CYP7A1: variants seen among roughly 807,000 people sequenced by gnomAD.
CYP7A1 encodes the protein cytochrome P450 family 7 subfamily A member 1, also known as cytochrome P450 7A1.
Under a neutral mutation model 43.8 loss-of-function variants are expected in CYP7A1, and 28 were observed. The ratio of observed to expected loss-of-function variants is 0.64; its 90% confidence interval spans 0.47 to 0.88. The LOEUF is 0.88. Ranked by LOEUF, CYP7A1 falls within the 40% of genes least tolerant of loss-of-function variation. The probability of loss-of-function intolerance (pLI) is 0.00; values close to 1 mark genes in which losing one functional copy is unlikely to be tolerated. For synonymous variants in CYP7A1, 227 were observed against 222.5 expected (o/e 1.02, Z -0.18); for missense variants, 637 against 611.9 (o/e 1.04, Z -0.43).
chr8:58,496,815 T>G lies in CYP7A1; in HGVS notation c.697A>C (p.Asn233His). 6.2e-7 allele frequency: 1 copy of G among 1,614,216 alleles called. No homozygotes were observed. Among genetic ancestry groups the G allele is most frequent in the South Asian group, 1.1e-5 (1 of 91,090 alleles). The change falls in exon 3 of 6, where the codon AAT becomes CAT. Residue 233 changes from asparagine (N) to histidine (H), a missense_variant. Coordinates refer to ENST00000301645, the MANE Select transcript of CYP7A1 (RefSeq NM_000780.4). ...CTCTCTGCCAGTTTCTCCCGGGCATTGTGCGCAGTCCTGAACATGTGAATG... is the reference window on the plus strand; with the variant it reads ...CTCTCTGCCAGTTTCTCCCGGGCATGGTGCGCAGTCCTGAACATGTGAATG... ...LPIHMFRTAH[N>H]AREKLAESLR...
intron 2 of CYP7A1, among the ~76,000 whole-genome samples, chr8:58,497,966 C>T (rs1427614126): frequency 6.6e-6 from 1 of 152,184 alleles, no homozygotes; most frequent in African/African-American, 2.4e-5. Flanking sequence ...TACAGTGCCA[C>T]CTGTCTCAGT....
At chr8:58,498,953 G>C (rs1469207941) in intron 1 of CYP7A1, among the ~76,000 whole-genome samples, 3 of 152,130 alleles carry the variant, frequency 2.0e-5, no homozygotes, top group Non-Finnish European at 4.4e-5. Flanking sequence ...AATATTCCTA[G>C]TTTAAAGATA....
Position 58,491,324 on chromosome 8 carries a change from T to C in CYP7A1, c.*151A>G, listed in dbSNP as rs561468580. The C allele has an allele frequency of 1.4e-6, 1 of 738,806 alleles. No individual in the cohort carries two copies. The highest frequency in any genetic ancestry group is 2.4e-5 in the Admixed American group (1 of 41,320). The allele number at this position is 738,806 out of a possible 1,614,324, so 45.8% of individuals were successfully genotyped here. ...GCATCTGGAAACTGTCACCAAAATG[T>C]TAAGATTCACAAGCAAGCACTGGTG... On this transcript the variant is annotated 3_prime_UTR_variant, in exon 6 of 6. Coordinates refer to ENST00000301645, the MANE Select transcript of CYP7A1 (RefSeq NM_000780.4).
intron 4 of CYP7A1, among the ~76,000 whole-genome samples, chr8:58,493,468 G>A (rs1220573059): frequency 6.6e-6 from 1 of 152,206 alleles, no homozygotes; most frequent in Non-Finnish European, 1.5e-5. Flanking sequence ...GAGCTCGCGA[G>A]AGGTCCAGCC....
rs773258821 is a variant in CYP7A1, at chr8:58,491,725, G to A, written c.1265C>T (p.Thr422Ile). The A allele has an allele frequency of 1.9e-6, 3 of 1,613,360 alleles. No homozygotes were observed. The highest frequency in any genetic ancestry group is 1.7e-6 in the Non-Finnish European group (2 of 1,179,346). Residue 422 changes from threonine to isoleucine, a missense_variant, in exon 6 of 6, where the codon ACC becomes ATC. Coordinates refer to ENST00000301645, the MANE Select transcript of CYP7A1 (RefSeq NM_000780.4). ...YLDENGKTKT[T>I]FYCNGLKLKY... Reference sequence around the variant, plus strand: ...TAACTTGAGTCCATTACAATAGAAGGTAGTCTTTGTCTTCCCGTTTTCATC... The same window carrying A: ...TAACTTGAGTCCATTACAATAGAAGATAGTCTTTGTCTTCCCGTTTTCATC...
At position 58,491,428 on chromosome 8, in the gene CYP7A1, T is replaced by C; in HGVS notation, c.*47A>G. ...AAGGGACTGTGTGGTGAGGGTGTTC[T>C]GCAGTCCTGTAATATCATCTAGTGT... On this transcript the variant is annotated 3_prime_UTR_variant, in exon 6 of 6. Coordinates refer to ENST00000301645, the MANE Select transcript of CYP7A1 (RefSeq NM_000780.4). 1 of 1,542,278 alleles carries C rather than the reference T, an allele frequency of 6.5e-7. No homozygotes were observed. The highest frequency in any genetic ancestry group is 1.4e-5 in the African/African-American group (1 of 73,660).
At chr8:58,493,063 G>A (rs1228432123) in intron 4 of CYP7A1, among the ~76,000 whole-genome samples, 1 of 152,134 alleles carries the variant, frequency 6.6e-6, no homozygotes, top group Non-Finnish European at 1.5e-5. Context: ...GAGTCACCGT[G>A]CCTGGCCTGA....
intron 1 of CYP7A1, among the ~76,000 whole-genome samples, chr8:58,498,953 G>A (rs1469207941): frequency 6.6e-6 from 1 of 152,130 alleles, no homozygotes; most frequent in Non-Finnish European, 1.5e-5. Context: ...AATATTCCTA[G>A]TTTAAAGATA....
chr8:58,491,432 G>A lies in CYP7A1; in HGVS notation c.*43C>T. The A allele has an allele frequency of 6.4e-7, 1 of 1,568,428 alleles. No individual in the cohort carries two copies. The highest frequency in any genetic ancestry group is 1.3e-5 in the African/African-American group (1 of 74,090). On this transcript the variant is annotated 3_prime_UTR_variant, in exon 6 of 6. Coordinates refer to ENST00000301645, the MANE Select transcript of CYP7A1 (RefSeq NM_000780.4). The stretch of plus-strand genomic sequence containing the variant: ...GACTGTGTGGTGAGGGTGTTCTGCA[G>A]TCCTGTAATATCATCTAGTGTCCTC...
At chr8:58,499,507 T>G (rs8192870) in intron 1 of CYP7A1, among the ~76,000 whole-genome samples, 109,514 of 152,172 alleles carry the variant, frequency 0.72, 39,987 homozygotes, top group African/African-American at 0.85. Flanking sequence ...GATTAACATT[T>G]ATTTAAAAAC....
intron 3 of CYP7A1, 138 bp from the exon 4 acceptor site, chr8:58,494,774 C>A (rs1293582177): frequency 2.5e-6 from 2 of 785,196 alleles, no homozygotes; most frequent in Non-Finnish European, 2.1e-6. Context: ...AAGGGATATT[C>A]CTGTTTGCAT....
intron 3 of CYP7A1, among the ~76,000 whole-genome samples, chr8:58,495,283 G>A (rs542793354): frequency 7.8e-6 from 1 of 128,160 alleles, no homozygotes; most frequent in East Asian, 2.1e-4. Context: ...TGGAGTGCAG[G>A]GGCGCAATCT....
intron 4 of CYP7A1, among the ~76,000 whole-genome samples, chr8:58,492,948 G>T (rs751560010): frequency 6.6e-6 from 1 of 151,918 alleles, no homozygotes; most frequent in African/African-American, 2.4e-5. Context: ...TCTTTTTATT[G>T]TTTGCAGAGA....
In CYP7A1 at chr8:58,490,636, A is replaced by G. The variant is rs1809335339; in HGVS notation, c.*839T>C. ...AAAACTCTTCTCATTAATGTGAATG[A>G]AATAAAAATATAGAGAAGATAGTTA... On this transcript the variant is annotated 3_prime_UTR_variant, in exon 6 of 6. Coordinates refer to ENST00000301645, the MANE Select transcript of CYP7A1 (RefSeq NM_000780.4). 6.6e-6 allele frequency: 1 copy of G among 152,254 alleles called. No homozygotes were observed. The highest frequency in any genetic ancestry group is 2.4e-5 in the African/African-American group (1 of 41,468). The allele number at this position is 152,254 out of a possible 1,614,324, so 9.4% of individuals were successfully genotyped here. A position where few individuals can be genotyped will look rare whatever the true frequency, so the allele number is the denominator to read the frequency against.
intron 4 of CYP7A1, 82 bp from the exon 5 acceptor site, chr8:58,492,610 G>T: frequency 8.5e-7 from 1 of 1,173,874 alleles, no homozygotes; most frequent in Non-Finnish European, 1.2e-6. Flanking sequence ...AGTGTTTGAA[G>T]GTCATATGAT....
At position 58,494,626 on chromosome 8, in the gene CYP7A1, C is replaced by T; in HGVS notation, c.919G>A (p.Ala307Thr). The T allele has an allele frequency of 6.2e-7, 1 of 1,613,894 alleles. No individual in the cohort carries two copies. The highest frequency in any genetic ancestry group is 8.5e-7 in the Non-Finnish European group (1 of 1,179,944). ...SLFQMIRNPEAMKAATEEVKR... is the reference protein window; with the variant it reads ...SLFQMIRNPETMKAATEEVKR... Reference sequence around the variant, plus strand: ...ACTTCTTCAGTAGCTGCTTTCATTGCTTCTGGGTTCCTATTAAAAGGTAAG... The same window carrying T: ...ACTTCTTCAGTAGCTGCTTTCATTGTTTCTGGGTTCCTATTAAAAGGTAAG... Residue 307 changes from alanine to threonine, a missense_variant, in exon 4 of 6, where the codon GCA becomes ACA. Physicochemically the swap from Ala to Thr is moderately conservative, Grantham distance 58. Coordinates refer to ENST00000301645, the MANE Select transcript of CYP7A1 (RefSeq NM_000780.4).
intron 2 of CYP7A1, among the ~76,000 whole-genome samples, 159 bp downstream of exon 2, chr8:58,498,070 C>T (rs1350633309): frequency 2.0e-5 from 3 of 152,142 alleles, no homozygotes; most frequent in Non-Finnish European, 4.4e-5. Context: ...TACTAAGAAG[C>T]TACGTATAAT....
Position 58,497,114 on chromosome 8 carries a change from A to G in CYP7A1, c.398T>C (p.Leu133Pro). The change falls in exon 3 of 6, where the codon CTG becomes CCG. Residue 133 changes from leucine to proline, a missense_variant. Leu to Pro is a moderately conservative substitution (Grantham distance 98). Coordinates refer to ENST00000301645, the MANE Select transcript of CYP7A1 (RefSeq NM_000780.4). ...GAGGGAATTCAAGGCATGGCCCTGCAGGGTTTTGATGAAAGTGTCGTTTAT... is the reference window on the plus strand; with the variant it reads ...GAGGGAATTCAAGGCATGGCCCTGCGGGGTTTTGATGAAAGTGTCGTTTAT... ...ENINDTFIKTLQGHALNSLTE... is the reference protein window; with the variant it reads ...ENINDTFIKTPQGHALNSLTE... 6.2e-7 allele frequency: 1 copy of G among 1,600,154 alleles called. No homozygotes were observed. Among genetic ancestry groups the G allele is most frequent in the African/African-American group, 1.3e-5 (1 of 75,032 alleles).
Position 58,491,688 on chromosome 8 carries a change from G to A in CYP7A1, c.1302C>T (p.Tyr434=). 4 of 1,613,710 alleles carry A rather than the reference G, an allele frequency of 2.5e-6. No individual in the cohort carries two copies. The highest frequency in any genetic ancestry group is 3.4e-6 in the Non-Finnish European group (4 of 1,179,606). The change falls in exon 6 of 6, where the codon TAC becomes TAT. Residue 434 remains tyrosine, a synonymous_variant. Coordinates refer to ENST00000301645, the MANE Select transcript of CYP7A1 (RefSeq NM_000780.4). ...TTGTAGCTCCCGATCCAAAGGGCAT[G>A]TAGTAATACTTTAACTTGAGTCCAT... ...YCNGLKLKYY[Y]MPFGSGATIC...
Sources: gnomAD v4.1 joint callset for allele counts (sites outside exome capture counted in the v4.1 genomes callset) on GRCh38, gnomAD v4.1.1 for gene constraint, MANE v1.5 for transcripts, NCBI Gene and HGNC (gene_info 2026-07-23, HGNC 2026-07-21) for gene names.